The following OPCML variants were observed in gnomAD, a reference collection of about 807,000 sequenced individuals.
The protein encoded by OPCML is opioid-binding protein/cell adhesion molecule.
Under a neutral mutation model 37.8 loss-of-function variants are expected in OPCML, and 13 were observed. The observed-to-expected ratio is 0.34, with a 90% confidence interval of 0.22 to 0.55. The LOEUF is 0.55. Ranked by LOEUF, OPCML falls within the 20% of genes least tolerant of loss-of-function variation. OPCML has a pLI of 0.91. For synonymous variants in OPCML, 176 were observed against 168.8 expected (o/e 1.04, Z -0.33); for missense variants, 341 against 435.6 (o/e 0.78, Z 1.93).
At chr11:133,428,408 G>T (rs1946048793) in intron 1 of OPCML, among the ~76,000 whole-genome samples, 1 of 152,072 alleles carries the variant, frequency 6.6e-6, no homozygotes, top group South Asian at 2.1e-4. Flanking sequence ...ATGAAAAGGG[G>T]ATAGAATTAT....
At chr11:133,530,384 C>T (rs4554901) in intron 1 of OPCML, among the ~76,000 whole-genome samples, 20,284 of 152,244 alleles carry the variant, frequency 0.13, 1,634 homozygotes, top group Admixed American at 0.25. Context: ...CCATAAGGGG[C>T]GCATCCATAC....
intron 1 of OPCML, among the ~76,000 whole-genome samples, chr11:133,232,380 CT>C (rs1371081075): frequency 6.6e-6 from 1 of 152,180 alleles, no homozygotes; most frequent in Non-Finnish European, 1.5e-5. Flanking sequence ...CTCCCAGTTT[CT>C]GTTCCTTCAT....
intron 1 of OPCML, among the ~76,000 whole-genome samples, chr11:133,011,135 C>T (rs1300246347): frequency 6.6e-6 from 1 of 152,084 alleles, no homozygotes; most frequent in African/African-American, 2.4e-5. Flanking sequence ...AACATGGAGA[C>T]AAGAATATTC....
At chr11:133,176,337 CTTT>C (rs3049633) in intron 1 of OPCML, among the ~76,000 whole-genome samples, 1 of 140,026 alleles carries the variant, frequency 7.1e-6, no homozygotes, top group Non-Finnish European at 1.5e-5. Context: ...CTTCATTTTC[CTTT>C]TTTTTTTTTT....
intron 7 of OPCML, among the ~76,000 whole-genome samples, chr11:132,422,301 G>A (rs2095962229): frequency 6.6e-6 from 1 of 152,144 alleles, no homozygotes; most frequent in Admixed American, 6.5e-5. Context: ...GTTGAATATA[G>A]CTAAAGCAAA....
chr11:133,299,728 G>T (rs943475286), intron 1 of OPCML: 11 of 152,176 alleles, frequency 7.2e-5, no homozygotes, highest in African/African-American at 2.7e-4. Flanking sequence ...TTCCTCCTAA[G>T]TAGATGAAGG....
At chr11:132,493,951 C>T (rs923521723) in intron 4 of OPCML, among the ~76,000 whole-genome samples, 9 of 152,284 alleles carry the variant, frequency 5.9e-5, no homozygotes, top group Admixed American at 1.3e-4. Flanking sequence ...GTTGTGGGAG[C>T]ACGGGCAACC....
At chr11:133,005,401 C>T (rs534301651) in intron 1 of OPCML, 4 of 985,292 alleles carry the variant, frequency 4.1e-6, no homozygotes, top group South Asian at 4.7e-5. Context: ...TACATTAATG[C>T]TTTTTCACCC....
chr11:133,462,526 A>ACTT (rs1946880838), intron 1 of OPCML, among the ~76,000 whole-genome samples: 1 of 152,178 alleles, frequency 6.6e-6, no homozygotes, highest in Non-Finnish European at 1.5e-5. Flanking sequence ...TGTGCAAAGG[A>ACTT]CTTTAATAGA....
intron 1 of OPCML, among the ~76,000 whole-genome samples, chr11:133,402,110 A>C (rs549718610): frequency 6.6e-6 from 1 of 152,298 alleles, no homozygotes; most frequent in South Asian, 2.1e-4. Context: ...ACAGATATTT[A>C]TTTCTAACTA....
rs556222021 is a variant in OPCML at position 133,207,224 on chromosome 11, C to T, written c.62-264214G>A. Among the ~76,000 whole-genome samples, 71 of 151,950 alleles carry T rather than the reference C, an allele frequency of 4.7e-4. No individual in the cohort carries two copies. The Middle Eastern group carries it at 0.01, about 22-fold the overall frequency. ...CTGAGGCAGGAGAATGGCGTGAACC[C>T]AGGAGGCGGAGCTTGTAGTGAGCCG... On this transcript the variant is annotated intron_variant, in intron 1 of 7. Transcript: ENST00000524381.
chr11:133,037,531 G>T (rs527757298), intron 1 of OPCML, among the ~76,000 whole-genome samples: 1 of 152,284 alleles, frequency 6.6e-6, no homozygotes, highest in South Asian at 2.1e-4. Flanking sequence ...AGCTAGACTG[G>T]AGTGTAAAGT....
chr11:132,917,335 T>C (rs887845894), intron 2 of OPCML, among the ~76,000 whole-genome samples: 3 of 152,198 alleles, frequency 2.0e-5, no homozygotes, highest in Non-Finnish European at 4.4e-5. Flanking sequence ...CAGTTATTGT[T>C]CTCTATGTTA....
rs576129576 is a variant in OPCML, at chr11:132,850,639, T to G, written c.146+92287A>C. Among the ~76,000 whole-genome samples the G allele has an allele frequency of 2.6e-5, 4 of 152,194 alleles. No homozygotes were observed. The South Asian group carries it at 8.3e-4, about 32-fold the overall frequency. On this transcript the variant is annotated intron_variant, in intron 2 of 7. Coordinates refer to ENST00000524381, the MANE Select transcript of OPCML (RefSeq NM_001012393.5). The stretch of plus-strand genomic sequence containing the variant: ...CAGAAACTACCCACAAAGTGAGAGG[T>G]TATTTTTTGAGGAGTCAGAAAAGGC...
chr11:132,470,053 C>G (rs2096133064), intron 4 of OPCML, among the ~76,000 whole-genome samples: 1 of 152,022 alleles, frequency 6.6e-6, no homozygotes, highest in Non-Finnish European at 1.5e-5. Context: ...GAATTTCATG[C>G]AAAGTGCTCT....
chr11:132,911,979 A>T (rs1485226269), intron 2 of OPCML, among the ~76,000 whole-genome samples: 1 of 152,144 alleles, frequency 6.6e-6, no homozygotes, highest in Non-Finnish European at 1.5e-5. Flanking sequence ...AAATGGAGGA[A>T]GTAGAGGTTA....
At chr11:133,525,611 G>A (rs1326422751) in intron 1 of OPCML, among the ~76,000 whole-genome samples, 1 of 152,176 alleles carries the variant, frequency 6.6e-6, no homozygotes, top group Admixed American at 6.5e-5. Context: ...CCAAAGATAA[G>A]TTTTTCCAGG....
chr11:132,497,922 C>G (rs1251364449), intron 4 of OPCML, among the ~76,000 whole-genome samples: 1 of 152,148 alleles, frequency 6.6e-6, no homozygotes, highest in Non-Finnish European at 1.5e-5. Flanking sequence ...AGCAGTTTGA[C>G]ATTTTTGTTT....
Position 132,928,468 on chromosome 11 carries a change from A to G in OPCML, c.146+14458T>C, listed in dbSNP as rs545200895. On this transcript the variant is annotated intron_variant, in intron 2 of 7. Transcript: ENST00000524381. Reference sequence around the variant, plus strand: ...ATACTAAATAGCAGAACATCTGAATATATGAAACTAAGTTTGACAGAATTG... The same window carrying G: ...ATACTAAATAGCAGAACATCTGAATGTATGAAACTAAGTTTGACAGAATTG... Among the ~76,000 whole-genome samples, 11 of 152,192 alleles carry G rather than the reference A, an allele frequency of 7.2e-5. 1 individual carries two copies. The South Asian group carries it at 2.3e-3, about 32-fold the overall frequency.
Sources: allele counts gnomAD v4.1 joint callset (sites outside exome capture counted in the v4.1 genomes callset), GRCh38; gene constraint gnomAD v4.1.1; transcripts MANE v1.5; gene names NCBI Gene and HGNC (gene_info 2026-07-23, HGNC 2026-07-21).